The following TAB3 variants were observed in gnomAD, a reference collection of about 807,000 sequenced individuals.
TAB3 encodes TGF-beta activated kinase 1 (MAP3K7) binding protein 3, also known as TGF-beta-activated kinase 1 and MAP3K7-binding protein 3.
Under a neutral mutation model 48.1 loss-of-function variants are expected in TAB3, and 18 were observed. That is an observed-to-expected ratio of 0.37 (90% CI 0.26 to 0.55). The LOEUF (loss-of-function observed/expected upper bound fraction) is 0.55. Among genes scored for constraint, TAB3 ranks in the 20% least tolerant of loss-of-function variants. The pLI is 0.78. For synonymous variants in TAB3, 185 were observed against 190.2 expected (o/e 0.97, Z 0.22); for missense variants, 414 against 549.8 (o/e 0.75, Z 2.47).
chrX:30,869,242 TAG>T (rs1377342128), intron 2 of TAB3, among the ~76,000 whole-genome samples: 2 of 111,045 alleles, frequency 1.8e-5, no homozygotes, highest in African/African-American at 6.6e-5. Flanking sequence ...TGTATTTTTG[TAG>T]AGATGGGGTT....
At chrX:30,858,627 G>T (rs1410678642) in intron 5 of TAB3, among the ~76,000 whole-genome samples, 1 of 111,955 alleles carries the variant, frequency 8.9e-6, no homozygotes, top group Non-Finnish European at 1.9e-5. Context: ...GTGTGAGGAA[G>T]ACCAGTGAGC....
chrX:30,853,995 C>T lies in TAB3; in HGVS notation c.1549+121G>A. The T allele has an allele frequency of 3.5e-6, 3 of 854,771 alleles. 1 individual carries two copies. The African/African-American group carries it at 6.1e-5, about 17-fold the overall frequency. 70.4% of individuals were successfully genotyped at this position (854,771 alleles called of 1,213,427 possible). A position where few individuals can be genotyped will look rare whatever the true frequency, so the allele number is the denominator to read the frequency against. ...CGGCCACTAACTTTATTCTTAATAG[C>T]AATGCTACTGCCCAACATTTAATAC... On this transcript the variant is annotated intron_variant, in intron 6 of 10. Transcript: ENST00000288422.
intron 7 of TAB3, among the ~76,000 whole-genome samples, chrX:30,848,439 T>C (rs966603158): frequency 1.6e-4 from 18 of 111,380 alleles, no homozygotes; most frequent in African/African-American, 5.9e-4. Context: ...CGAGAATTGC[T>C]TGAACTGGGG....
intron 1 of TAB3, among the ~76,000 whole-genome samples, chrX:30,884,502 G>A (rs58544319): frequency 0.015 from 1,669 of 109,556 alleles, 40 homozygotes; most frequent in African/African-American, 0.053. Flanking sequence ...TTTAACCTCT[G>A]CACTCGCTGT....
intron 7 of TAB3, among the ~76,000 whole-genome samples, chrX:30,848,591 G>C (rs1455885604): frequency 9.0e-6 from 1 of 111,261 alleles, no homozygotes; most frequent in Non-Finnish European, 1.9e-5. Context: ...ATCTTACTAA[G>C]GGTTTATCAG....
At position 30,841,066 on chromosome X, in the gene TAB3, C is replaced by CA. The variant is rs774101684; in HGVS notation, c.1888+1899dup. On this transcript the variant is annotated intron_variant, in intron 9 of 10. Transcript: ENST00000288422. Reference sequence around the variant, plus strand: ...GGCAAGAAACTGCATATGATGCTGCCAAAGTGCCAAATCTGGCACTCGGCA... The same window carrying CA: ...GGCAAGAAACTGCATATGATGCTGCCAAAAGTGCCAAATCTGGCACTCGGCA... Among the ~76,000 whole-genome samples, 151 of 112,423 alleles carry CA rather than the reference C, an allele frequency of 1.3e-3. 1 individual carries two copies. Among genetic ancestry groups the CA allele is most frequent in the African/African-American group, 4.8e-3 (148 of 30,946 alleles).
intron 9 of TAB3, chrX:30,836,582 C>G (rs950469733): frequency 1.8e-5 from 2 of 112,181 alleles, no homozygotes; most frequent in African/African-American, 3.2e-5. Context: ...GTGACTTATG[C>G]CTGTAATCGC....
At chrX:30,885,492 G>A (rs185558870) in intron 1 of TAB3, among the ~76,000 whole-genome samples, 5 of 111,920 alleles carry the variant, frequency 4.5e-5, no homozygotes, top group Admixed American at 1.9e-4. Flanking sequence ...AGCTTCCCTA[G>A]GACCACAGAC....
intron 10 of TAB3, among the ~76,000 whole-genome samples, chrX:30,832,761 T>A (rs918434638): frequency 9.0e-6 from 1 of 111,314 alleles, no homozygotes; most frequent in Non-Finnish European, 1.9e-5. Context: ...ATTACTGGGT[T>A]TTTCAGCTGC....
rs1938005388 is a variant in TAB3 at position 30,830,912 on chromosome X, G to GTCCC, written c.*514_*515insGGGA. ...AATTACAAATACCCTTAATTAATTT[G>GTCCC]CCCCCCCCCCCCAAATATTCTAGGT... On this transcript the variant is annotated 3_prime_UTR_variant, in exon 11 of 11. Coordinates refer to ENST00000288422, the MANE Select transcript of TAB3 (RefSeq NM_152787.5). 1 of 43,608 alleles carries GTCCC rather than the reference G, an allele frequency of 2.3e-5. No homozygotes were observed. The highest frequency in any genetic ancestry group is 4.1e-5 in the Non-Finnish European group (1 of 24,154). The allele number at this position is 43,608 out of a possible 1,213,427, so 3.6% of individuals were successfully genotyped here.
chrX:30,836,108 T>C (rs981148704), intron 9 of TAB3: 1 of 112,254 alleles, frequency 8.9e-6, no homozygotes, highest in Non-Finnish European at 1.9e-5. Flanking sequence ...ATAGCTTTTA[T>C]AAATTTGTGA....
At chrX:30,884,427 C>A (rs955271468) in intron 1 of TAB3, among the ~76,000 whole-genome samples, 2 of 110,729 alleles carry the variant, frequency 1.8e-5, no homozygotes, top group African/African-American at 6.6e-5. Context: ...AGTAATTTGC[C>A]CACGAACACA....
chrX:30,865,300 G>C (rs1939373099), intron 4 of TAB3, among the ~76,000 whole-genome samples: 1 of 112,232 alleles, frequency 8.9e-6, no homozygotes, highest in Non-Finnish European at 1.9e-5. Context: ...AAGGTAATGA[G>C]GTGAGTGAGC....
chrX:30,850,022 G>A (rs1938777721), intron 7 of TAB3, among the ~76,000 whole-genome samples: 1 of 111,959 alleles, frequency 8.9e-6, no homozygotes, highest in Non-Finnish European at 1.9e-5. Context: ...CCCGTAAGAT[G>A]AGTACTATAC....
At position 30,828,201 on chromosome X, in the gene TAB3, C is replaced by T. The variant is rs1244305452; in HGVS notation, c.*3226G>A. 8.8e-6 allele frequency: 1 copy of T among 113,506 alleles called. No homozygotes were observed. The highest frequency in any genetic ancestry group is 3.2e-5 in the African/African-American group (1 of 30,879). 9.4% of individuals were successfully genotyped at this position (113,506 alleles called of 1,213,427 possible). On this transcript the variant is annotated 3_prime_UTR_variant, in exon 11 of 11. Transcript: ENST00000288422. ...TGTCAGAAATACATTACAATTACCT[C>T]TTAAAAGACTATATAAAATTGAATT...
rs183366190 is a variant in TAB3 at position 30,852,617 on chromosome X, C to T, written c.1710+161G>A. ...ACATGAATTATTTTGATGAGAACTA[C>T]TAAAGGCAAAAGTCCTTCATCTGTT... On this transcript the variant is annotated intron_variant, in intron 7 of 10. Transcript: ENST00000288422. Among the ~76,000 whole-genome samples, 145 of 111,291 alleles carry T rather than the reference C, an allele frequency of 1.3e-3. 1 individual carries two copies. The highest frequency in any genetic ancestry group is 1.9e-3 in the Non-Finnish European group (101 of 53,089).
chrX:30,832,965 C>T (rs1402999140), intron 10 of TAB3, among the ~76,000 whole-genome samples: 1 of 102,229 alleles, frequency 9.8e-6, no homozygotes, highest in East Asian at 2.9e-4. Flanking sequence ...ATGCCATTTT[C>T]TTTCTTTCTT....
intron 4 of TAB3, among the ~76,000 whole-genome samples, chrX:30,864,889 T>A (rs768609466): frequency 1.8e-5 from 2 of 111,011 alleles, no homozygotes; most frequent in African/African-American, 3.3e-5. Flanking sequence ...AAAAATCACG[T>A]GATCTAGCAA....
At chrX:30,853,457 T>C (rs985593887) in intron 6 of TAB3, among the ~76,000 whole-genome samples, 3 of 112,521 alleles carry the variant, frequency 2.7e-5, no homozygotes, top group African/African-American at 9.7e-5. Context: ...CTCTGGGCCA[T>C]CCTCTTTAGA....
Sources: gnomAD v4.1 joint callset for allele counts (sites outside exome capture counted in the v4.1 genomes callset) on GRCh38, gnomAD v4.1.1 for gene constraint, MANE v1.5 for transcripts, NCBI Gene and HGNC (gene_info 2026-07-23, HGNC 2026-07-21) for gene names.